PPM1H: variants seen among roughly 807,000 people sequenced by gnomAD.
The protein encoded by PPM1H is protein phosphatase, Mg2+/Mn2+ dependent 1H.
A neutral mutation model predicts 54.9 loss-of-function variants in PPM1H; 27 were observed. That is an observed-to-expected ratio of 0.49 (90% CI 0.36 to 0.68). The LOEUF (loss-of-function observed/expected upper bound fraction) is 0.68, where lower values mean the gene tolerates loss of function less well. Ranked by LOEUF, PPM1H falls within the 30% of genes least tolerant of loss-of-function variation. The pLI, the probability that PPM1H is intolerant of heterozygous loss-of-function variation, is 0.00. For synonymous variants in PPM1H, 305 were observed against 270.8 expected, an observed-to-expected ratio of 1.13 and a Z score of -1.24; for missense variants, 596 against 667.8, an observed-to-expected ratio of 0.89 and a Z score of 1.19.
At chr12:62,670,759 A>C (rs1234414874) in intron 8 of PPM1H, among the ~76,000 whole-genome samples, 1 of 152,162 alleles carries the variant, frequency 6.6e-6, no homozygotes, top group Non-Finnish European at 1.5e-5. Context: ...AATCCTTCTC[A>C]AGACCGTTCT....
intron 2 of PPM1H, among the ~76,000 whole-genome samples, chr12:62,821,512 G>A (rs578041816): frequency 1.3e-4 from 20 of 152,296 alleles, no homozygotes; most frequent in African/African-American, 4.8e-4. Context: ...AATGTTAAGG[G>A]CAGCCAGAGA....
At chr12:62,915,410 G>A (rs1195250922) in intron 1 of PPM1H, among the ~76,000 whole-genome samples, 1 of 152,232 alleles carries the variant, frequency 6.6e-6, no homozygotes, top group African/African-American at 2.4e-5. Context: ...AATGGTTGGA[G>A]GGCTTTGGGC....
chr12:62,651,882 C>G (rs916470126), intron 9 of PPM1H, among the ~76,000 whole-genome samples: 10 of 152,150 alleles, frequency 6.6e-5, no homozygotes, highest in African/African-American at 2.4e-4. Context: ...CCTTAAAAAT[C>G]TCTGTTCTTG....
Position 62,884,383 on chromosome 12 carries a change from C to G in PPM1H, c.245+50109G>C, listed in dbSNP as rs761921879. The stretch of plus-strand genomic sequence containing the variant: ...AGGCATAGTGGCAGGTGCCTGTAAT[C>G]CCAGCTATTTGGGAAGCTGAGGTAG... On this transcript the variant is annotated intron_variant, in intron 1 of 9. Transcript: ENST00000228705. 2.8e-4 allele frequency among the ~76,000 whole-genome samples: 42 copies of G among 150,362 alleles called. 1 individual carries two copies. Among genetic ancestry groups the G allele is most frequent in the Middle Eastern group, 3.4e-3 (1 of 290 alleles).
chr12:62,715,323 G>A (rs1325477727), intron 6 of PPM1H, among the ~76,000 whole-genome samples: 1 of 152,158 alleles, frequency 6.6e-6, no homozygotes, highest in Non-Finnish European at 1.5e-5. Context: ...CGCAGGAGGT[G>A]AGAGCCAAGG....
intron 1 of PPM1H, among the ~76,000 whole-genome samples, chr12:62,834,247 C>A (rs1868433590): frequency 6.6e-6 from 1 of 152,028 alleles, no homozygotes; most frequent in Admixed American, 6.5e-5. Context: ...GATTCAATGT[C>A]TATTTTCTTG....
At chr12:62,681,569 A>AC (rs2136628532) in intron 8 of PPM1H, among the ~76,000 whole-genome samples, 1 of 152,244 alleles carries the variant, frequency 6.6e-6, no homozygotes, top group Non-Finnish European at 1.5e-5. Context: ...AACTCAAATG[A>AC]CCCCATAAGG....
chr12:62,711,978 T>G (rs948356421), intron 6 of PPM1H, among the ~76,000 whole-genome samples: 55 of 152,312 alleles, frequency 3.6e-4, no homozygotes, highest in African/African-American at 1.2e-3. Context: ...TCAGGAGATG[T>G]GCTGCACACA....
chr12:62,846,906 G>A (rs759413594), intron 1 of PPM1H, among the ~76,000 whole-genome samples: 1 of 152,192 alleles, frequency 6.6e-6, no homozygotes, highest in Non-Finnish European at 1.5e-5. Context: ...GTCTTGGGGA[G>A]GTTAATGGGC....
intron 5 of PPM1H, among the ~76,000 whole-genome samples, chr12:62,727,914 G>T (rs2076298884): frequency 6.6e-6 from 1 of 151,862 alleles, no homozygotes; most frequent in African/African-American, 2.4e-5. Context: ...ATTCCCCTCA[G>T]CCTCCCAAAG....
chr12:62,651,907 TC>T (rs1806039946), intron 9 of PPM1H, among the ~76,000 whole-genome samples: 1 of 152,210 alleles, frequency 6.6e-6, no homozygotes, highest in Admixed American at 6.6e-5. Flanking sequence ...CTCCTTTCTT[TC>T]TGGGGCTCCC....
At chr12:62,810,665 C>T (rs1408940697) in intron 2 of PPM1H, among the ~76,000 whole-genome samples, 4 of 152,196 alleles carry the variant, frequency 2.6e-5, no homozygotes, top group Admixed American at 6.5e-5. Context: ...TATTTACTTA[C>T]GCATTCTCAA....
At chr12:62,831,878 G>A (rs146528879) in intron 2 of PPM1H, among the ~76,000 whole-genome samples, 1 of 151,834 alleles carries the variant, frequency 6.6e-6, no homozygotes, top group East Asian at 1.9e-4. Context: ...GATACATATG[G>A]TGTGGGTGTT....
At chr12:62,764,746 C>A (rs2076531285) in intron 4 of PPM1H, among the ~76,000 whole-genome samples, 1 of 152,178 alleles carries the variant, frequency 6.6e-6, no homozygotes. Flanking sequence ...CGTGATCCAT[C>A]TGTGAAGGTG....
At chr12:62,846,992 C>T (rs1868995997) in intron 1 of PPM1H, among the ~76,000 whole-genome samples, 3 of 152,144 alleles carry the variant, frequency 2.0e-5, no homozygotes. Flanking sequence ...GCCCAGACTC[C>T]CTTTCTCCTA....
intron 5 of PPM1H, among the ~76,000 whole-genome samples, chr12:62,730,158 ACT>A (rs1396644797): frequency 6.6e-6 from 1 of 151,196 alleles, no homozygotes; most frequent in Non-Finnish European, 1.5e-5. Context: ...CCCTTTGCTG[ACT>A]CTCTTTTCGG....
intron 1 of PPM1H, among the ~76,000 whole-genome samples, chr12:62,857,955 C>T (rs1228290290): frequency 6.6e-6 from 1 of 151,782 alleles, no homozygotes; most frequent in East Asian, 1.9e-4. Flanking sequence ...ATGTATATAC[C>T]CTTATCTATT....
intron 4 of PPM1H, among the ~76,000 whole-genome samples, chr12:62,762,016 A>T (rs1197262577): frequency 1.3e-5 from 2 of 152,338 alleles, no homozygotes; most frequent in East Asian, 3.9e-4. Flanking sequence ...AGGCCCAGTC[A>T]GTGCTCCGTC....
intron 8 of PPM1H, among the ~76,000 whole-genome samples, chr12:62,676,804 G>A (rs563854477): frequency 3.9e-5 from 6 of 152,160 alleles, no homozygotes; most frequent in Admixed American, 6.5e-5. Context: ...CCAGGGTGTC[G>A]TGGATGACAT....
Sources: allele counts gnomAD v4.1 joint callset (sites outside exome capture counted in the v4.1 genomes callset), GRCh38; gene constraint gnomAD v4.1.1; transcripts MANE v1.5; gene names NCBI Gene and HGNC (gene_info 2026-07-23, HGNC 2026-07-21).